BTAF1: variants seen among roughly 807,000 people sequenced by gnomAD.
BTAF1 encodes the protein TATA-binding protein-associated factor 172.
In BTAF1, 38 loss-of-function variants were observed where a neutral mutation model predicts 227.1. The observed-to-expected ratio is 0.17, with a 90% CI of 0.13 to 0.22. The LOEUF is 0.22. Ranked by LOEUF, BTAF1 falls within the 10% of genes least tolerant of loss-of-function variation. The probability of loss-of-function intolerance (pLI) is 1.00; values close to 1 mark genes in which losing one functional copy is unlikely to be tolerated. For synonymous variants in BTAF1, 742 were observed against 751.9 expected (o/e 0.99, Z 0.21); for missense variants, 1,598 against 2,204.0 (o/e 0.73, Z 5.51).
chr10:92,027,285 G>A lies in BTAF1; in HGVS notation c.5391G>A (p.Leu1797=), dbSNP rs972001324. 2.5e-6 allele frequency: 4 copies of A among 1,607,968 alleles called. No individual in the cohort carries two copies. The highest frequency in any genetic ancestry group is 2.5e-6 in the Non-Finnish European group (3 of 1,178,370). ...TGGGGACTGATCAGCTTCTTGATCT[G>A]TTTACTCTTGATAAGGTAAAGAACT... The part of the protein sequence containing the change: ...QSMGTDQLLD[L]FTLDKDGKAE... The change falls in exon 37 of 38, where the codon CTG becomes CTA. Residue 1797 remains leucine, a synonymous_variant. Coordinates refer to ENST00000265990, the MANE Select transcript of BTAF1 (RefSeq NM_003972.3).
At chr10:91,932,126 G>A in intron 1 of BTAF1, among the ~76,000 whole-genome samples, 1 of 152,192 alleles carries the variant, frequency 6.6e-6, no homozygotes, top group East Asian at 1.9e-4. Flanking sequence ...CAGCAATTAG[G>A]TTAGAGAGGA....
At chr10:92,017,690 T>A (rs931528019) in intron 33 of BTAF1, among the ~76,000 whole-genome samples, 2 of 152,074 alleles carry the variant, frequency 1.3e-5, no homozygotes, top group African/African-American at 4.8e-5. Context: ...TTAAAAATTT[T>A]TTTAGTGATA....
intron 30 of BTAF1, 27 bp downstream of exon 30, chr10:92,011,442 A>G: frequency 1.8e-6 from 2 of 1,084,862 alleles, no homozygotes; most frequent in Non-Finnish European, 1.2e-6. Flanking sequence ...ATTTTTTTTA[A>G]TTATTTTTAT....
chr10:91,966,011 C>T (rs966060352), intron 13 of BTAF1, among the ~76,000 whole-genome samples: 3 of 152,172 alleles, frequency 2.0e-5, no homozygotes, highest in African/African-American at 4.8e-5. Context: ...AAATGACTTA[C>T]GAATGTGACA....
Position 91,973,891 on chromosome 10 carries a change from G to A in BTAF1, c.1651-6563G>A, listed in dbSNP as rs113636671. Among the ~76,000 whole-genome samples the A allele has an allele frequency of 4.9e-3, 578 of 118,626 alleles. 2 individuals carry two copies. Among genetic ancestry groups the A allele is most frequent in the Non-Finnish European group, 7.9e-3 (480 of 60,746 alleles). 77.8% of individuals were successfully genotyped at this position (118,626 alleles called of 152,430 possible). ...TGCACTCCAGCCTGGGCGACAGAGC[G>A]AGACTCCGTCTCAAAAAAAAAAAAA... On this transcript the variant is annotated intron_variant, in intron 14 of 37. Coordinates refer to ENST00000265990, the MANE Select transcript of BTAF1 (RefSeq NM_003972.3).
At chr10:92,028,436 G>T (rs1161770219) in intron 37 of BTAF1, among the ~76,000 whole-genome samples, 1 of 152,062 alleles carries the variant, frequency 6.6e-6, no homozygotes, top group Non-Finnish European at 1.5e-5. Context: ...TCCTCTCAAA[G>T]GATAAAAGGA....
chr10:91,958,134 C>T (rs1241997699), intron 8 of BTAF1, among the ~76,000 whole-genome samples: 3 of 152,064 alleles, frequency 2.0e-5, no homozygotes, highest in South Asian at 2.1e-4. Flanking sequence ...CTGCAACCTC[C>T]GCCACCCAGG....
intron 6 of BTAF1, among the ~76,000 whole-genome samples, chr10:91,954,893 T>C (rs1845993395): frequency 6.6e-6 from 1 of 152,188 alleles, no homozygotes; most frequent in South Asian, 2.1e-4. Context: ...TCAGATCTGT[T>C]AAATAAGAAT....
chr10:91,973,692 C>G (rs552624157), intron 14 of BTAF1, among the ~76,000 whole-genome samples: 2 of 151,918 alleles, frequency 1.3e-5, no homozygotes, highest in East Asian at 3.9e-4. Context: ...ATCACGAGGT[C>G]AGGAGATCGA....
chr10:92,009,455 AT>A (rs1015798398), intron 28 of BTAF1, among the ~76,000 whole-genome samples: 1 of 152,230 alleles, frequency 6.6e-6, no homozygotes, highest in Non-Finnish European at 1.5e-5. Flanking sequence ...AACCAAAGCC[AT>A]TTTGTATGCC....
Position 92,026,677 on chromosome 10 carries a change from G to A in BTAF1, c.5161G>A (p.Val1721Ile), listed in dbSNP as rs965874260. 11 of 1,614,012 alleles carry A rather than the reference G, an allele frequency of 6.8e-6. No homozygotes were observed. Among genetic ancestry groups the A allele is most frequent in the Non-Finnish European group, 9.3e-6 (11 of 1,179,986 alleles). The change falls in exon 36 of 38, where the codon GTA (valine) becomes ATA (isoleucine). Residue 1721 changes from valine (V) to isoleucine (I), a missense_variant. By Grantham distance (29) the Val-to-Ile change is conservative (BLOSUM62 3). This residue lies in a region of BTAF1 where 205 missense variants were observed against 244.5 expected (regional missense o/e 0.84). Coordinates refer to ENST00000265990, the MANE Select transcript of BTAF1 (RefSeq NM_003972.3). ...LGLNLTGADT[V>I]VFVEHDWNPM... ...ACTTAATTTGACAGGCGCTGACACA[G>A]TAGTATTTGTGGAGCATGACTGGAA... is the stretch of plus-strand genomic sequence containing the variant.
At chr10:91,946,065 T>A (rs1382784503) in intron 4 of BTAF1, among the ~76,000 whole-genome samples, 1 of 152,222 alleles carries the variant, frequency 6.6e-6, no homozygotes, top group Non-Finnish European at 1.5e-5. Context: ...CTTTCATTAG[T>A]TGATGGACAT....
At chr10:91,967,644 A>AT (rs1847015938) in intron 14 of BTAF1, among the ~76,000 whole-genome samples, 1 of 152,032 alleles carries the variant, frequency 6.6e-6, no homozygotes, top group Non-Finnish European at 1.5e-5. Context: ...TATCATTTTG[A>AT]TTTTGTCTGA....
chr10:91,936,945 A>G (rs1255459313), intron 2 of BTAF1, among the ~76,000 whole-genome samples: 2 of 151,856 alleles, frequency 1.3e-5, no homozygotes, highest in African/African-American at 4.8e-5. Context: ...TGCCTTTAGC[A>G]CTGTCTCACC....
chr10:91,925,419 T>A (rs1843757159), intron 1 of BTAF1, among the ~76,000 whole-genome samples: 1 of 152,130 alleles, frequency 6.6e-6, no homozygotes, highest in Non-Finnish European at 1.5e-5. Context: ...CTTCTTTTCT[T>A]AGAGCAACCT....
chr10:91,943,599 G>A (rs1471200911), intron 4 of BTAF1, among the ~76,000 whole-genome samples: 2 of 152,028 alleles, frequency 1.3e-5, no homozygotes, highest in Admixed American at 6.6e-5. Context: ...ATCTTGTTTA[G>A]TATGGTTTCT....
intron 22 of BTAF1, 66 bp downstream of exon 22, chr10:91,993,913 T>C: frequency 1.6e-6 from 2 of 1,254,018 alleles, no homozygotes. Context: ...GAATATATCC[T>C]TATAAAATAA....
intron 4 of BTAF1, among the ~76,000 whole-genome samples, chr10:91,943,496 A>G (rs910445387): frequency 1.6e-4 from 24 of 152,320 alleles, no homozygotes; most frequent in African/African-American, 5.8e-4. Context: ...TAAAAAACAA[A>G]ACAGAATAAC....
rs557683463 is a variant in BTAF1 at position 91,984,396 on chromosome 10, A to G, written c.2419A>G (p.Ser807Gly). Residue 807 changes from serine to glycine, a missense_variant, in exon 19 of 38, where the codon AGT becomes GGT. Ser to Gly is a moderately conservative substitution (Grantham distance 56). Around this residue, in one of 10 missense-constraint regions of BTAF1, gnomAD observed 318 missense variants for 435.0 expected, o/e 0.73. Coordinates refer to ENST00000265990, the MANE Select transcript of BTAF1 (RefSeq NM_003972.3). ...NNNVLTIDQASDLVTTVFNEA... is the reference protein window; with the variant it reads ...NNNVLTIDQAGDLVTTVFNEA... ...CAATGTTTTAACAATAGATCAAGCT[A>G]GTGACTTGGTGAGTAAAGAAATAAC... 1.9e-6 allele frequency: 3 copies of G among 1,608,330 alleles called. No homozygotes were observed. Among genetic ancestry groups the G allele is most frequent in the East Asian group, 4.5e-5 (2 of 44,790 alleles).
Sources: gnomAD v4.1 joint callset for allele counts (sites outside exome capture counted in the v4.1 genomes callset) on GRCh38, gnomAD v4.1.1 for gene constraint, gnomAD v4.1.1 regional missense constraint, MANE v1.5 for transcripts, NCBI Gene and HGNC (gene_info 2026-07-23, HGNC 2026-07-21) for gene names.